The following RTL4 variants were observed in gnomAD, a reference collection of about 807,000 sequenced individuals.
RTL4 encodes the protein retrotransposon Gag-like protein 4.
A neutral mutation model predicts 5.3 loss-of-function variants in RTL4; 4 were observed. That is an observed-to-expected ratio of 0.75 (90% CI 0.37 to 1.72). The LOEUF is 1.72. RTL4 is among the 40% of genes most tolerant of loss of function. The pLI is 0.04. For missense variants in RTL4, 260 were observed against 227.1 expected (o/e 1.14, Z -0.93); for synonymous variants, 98 against 87.3 (o/e 1.12, Z -0.68).
chrX:112,236,835 C>T, the RTL4 span, among the ~76,000 whole-genome samples: 3 of 110,855 alleles, frequency 2.7e-5, no homozygotes, highest in African/African-American at 9.9e-5. Context: ...GGCCTTTGCA[C>T]GTGTGATTAA....
At chrX:112,352,274 G>A in the RTL4 span, among the ~76,000 whole-genome samples, 4 of 110,289 alleles carry the variant, frequency 3.6e-5, no homozygotes, top group African/African-American at 9.9e-5. Context: ...TGGGTAACCC[G>A]ACCTTTCTCT....
At chrX:112,153,759 A>T in the RTL4 span, among the ~76,000 whole-genome samples, 7 of 111,489 alleles carry the variant, frequency 6.3e-5, no homozygotes, top group African/African-American at 2.3e-4. Flanking sequence ...TAGGTACCAT[A>T]ATTTCTAGAT....
the RTL4 span, among the ~76,000 whole-genome samples, chrX:112,384,871 C>G: frequency 2.7e-5 from 3 of 110,959 alleles, no homozygotes; most frequent in African/African-American, 9.8e-5. Context: ...TGTTTGTGTC[C>G]TCTCTTATTT....
chrX:112,201,731 C>T, the RTL4 span, among the ~76,000 whole-genome samples: 1 of 110,961 alleles, frequency 9.0e-6, no homozygotes, highest in African/African-American at 3.3e-5. Context: ...TTGGGTTTTA[C>T]ATTATCTATT....
At chrX:112,107,322 C>T in the RTL4 span, among the ~76,000 whole-genome samples, 1 of 111,351 alleles carries the variant, frequency 9.0e-6, no homozygotes, top group African/African-American at 3.3e-5. Context: ...GTCTTTTAAC[C>T]TTTGTACTAA....
chrX:112,168,815 G>A, the RTL4 span, among the ~76,000 whole-genome samples: 1 of 111,508 alleles, frequency 9.0e-6, no homozygotes, highest in Non-Finnish European at 1.9e-5. Flanking sequence ...AAGCAGGTGA[G>A]GAGCCCATGC....
chrX:112,097,600 C>T, the RTL4 span, among the ~76,000 whole-genome samples: 513 of 111,690 alleles, frequency 4.6e-3, 2 homozygotes, highest in Non-Finnish European at 7.5e-3. Flanking sequence ...TACGCCATCA[C>T]GCTCTAGCCT....
At chrX:112,303,248 A>G in the RTL4 span, among the ~76,000 whole-genome samples, 1 of 111,686 alleles carries the variant, frequency 9.0e-6, no homozygotes, top group Non-Finnish European at 1.9e-5. Context: ...TGTATACCAA[A>G]CACAAAAAAT....
the RTL4 span, among the ~76,000 whole-genome samples, chrX:112,297,682 C>A: frequency 9.0e-6 from 1 of 111,533 alleles, no homozygotes; most frequent in Non-Finnish European, 1.9e-5. Context: ...TGCCTACAAG[C>A]CTGACACACA....
At chrX:112,290,741 A>C in the RTL4 span, among the ~76,000 whole-genome samples, 1 of 112,216 alleles carries the variant, frequency 8.9e-6, no homozygotes, top group Non-Finnish European at 1.9e-5. Context: ...GAGTTGTTTT[A>C]GCAATTAATT....
At chrX:112,395,217 A>C in the RTL4 span, among the ~76,000 whole-genome samples, 1 of 111,767 alleles carries the variant, frequency 8.9e-6, no homozygotes, top group Non-Finnish European at 1.9e-5. Context: ...TTAAAACATT[A>C]GCATGCTATG....
chrX:112,162,277 A>G, the RTL4 span, among the ~76,000 whole-genome samples: 1 of 111,750 alleles, frequency 8.9e-6, no homozygotes, highest in Non-Finnish European at 1.9e-5. Flanking sequence ...CTAAGGCAAC[A>G]CAAATGGCTC....
At chrX:112,164,092 T>C in the RTL4 span, among the ~76,000 whole-genome samples, 634 of 112,058 alleles carry the variant, frequency 5.7e-3, 4 homozygotes, top group African/African-American at 0.02. Flanking sequence ...TAAAGTGATT[T>C]GCTCATAGTG....
chrX:112,312,266 C>T, the RTL4 span, among the ~76,000 whole-genome samples: 12 of 111,068 alleles, frequency 1.1e-4, no homozygotes, highest in Non-Finnish European at 1.7e-4. Flanking sequence ...CAATCATTTC[C>T]ATGTACCAGA....
chrX:112,455,067 A>T (rs1312320523), exon 1 of RTL4: 1 of 1,211,827 alleles, frequency 8.3e-7, no homozygotes, highest in South Asian at 1.8e-5. Flanking sequence ...GTGGGATCAT[A>T]TCTGGGCCTG....
At chrX:112,267,166 T>A in the RTL4 span, among the ~76,000 whole-genome samples, 1 of 111,615 alleles carries the variant, frequency 9.0e-6, no homozygotes, top group African/African-American at 3.3e-5. Flanking sequence ...GGTTCCCTTC[T>A]TAACAAAACT....
the RTL4 span, among the ~76,000 whole-genome samples, chrX:112,240,128 A>C: frequency 8.9e-6 from 1 of 112,060 alleles, no homozygotes; most frequent in African/African-American, 3.2e-5. Flanking sequence ...GGAGAACCAA[A>C]GGGATATTAT....
chrX:112,325,382 A>G, the RTL4 span, among the ~76,000 whole-genome samples: 1 of 111,850 alleles, frequency 8.9e-6, no homozygotes, highest in Non-Finnish European at 1.9e-5. Flanking sequence ...GAGGCATCAC[A>G]CTACCTGACT....
the RTL4 span, among the ~76,000 whole-genome samples, chrX:112,171,516 C>T: frequency 9.0e-6 from 1 of 111,501 alleles, no homozygotes; most frequent in South Asian, 3.8e-4. Context: ...TTACCCATTG[C>T]TTCTAGATTT....
Sources: gnomAD v4.1 joint callset for allele counts (sites outside exome capture counted in the v4.1 genomes callset) on GRCh38, gnomAD v4.1.1 for gene constraint, MANE v1.5 for transcripts, NCBI Gene and HGNC (gene_info 2026-07-23, HGNC 2026-07-21) for gene names.